Variants in DSCAM observed in about 807,000 individuals in gnomAD.
The protein encoded by DSCAM is DS cell adhesion molecule, also known as cell adhesion molecule DSCAM.
A neutral mutation model predicts 217.7 loss-of-function variants in DSCAM; 47 were observed. The ratio of observed to expected loss-of-function variants is 0.22; its 90% CI spans 0.17 to 0.28. The LOEUF (loss-of-function observed/expected upper bound fraction) is 0.28. Ranked by LOEUF, DSCAM falls within the 10% of genes least tolerant of loss-of-function variation. The pLI is 1.00. For missense variants in DSCAM, 2,080 were observed against 2,618.3 expected, an observed-to-expected ratio of 0.79 and a Z score of 4.49; for synonymous variants, 1,056 against 1,015.3, an observed-to-expected ratio of 1.04 and a Z score of -0.76.
intron 3 of DSCAM, among the ~76,000 whole-genome samples, chr21:40,399,297 A>C (rs900023747): frequency 7.1e-6 from 1 of 140,922 alleles, no homozygotes; most frequent in African/African-American, 2.6e-5. Flanking sequence ...AAAACAAAAC[A>C]AAACAAAACA....
chr21:40,162,088 T>C (rs191646389), intron 16 of DSCAM, among the ~76,000 whole-genome samples: 7 of 152,334 alleles, frequency 4.6e-5, no homozygotes, highest in Admixed American at 6.5e-5. Context: ...AGCATTATTA[T>C]GCACGAACTA....
chr21:40,295,212 T>C (rs2046877666), intron 10 of DSCAM, among the ~76,000 whole-genome samples: 1 of 152,180 alleles, frequency 6.6e-6, no homozygotes, highest in African/African-American at 2.4e-5. Flanking sequence ...ATTGACTGAT[T>C]ATTTGATCTC....
At chr21:40,579,973 G>C (rs2076890902) in intron 3 of DSCAM, among the ~76,000 whole-genome samples, 1 of 152,098 alleles carries the variant, frequency 6.6e-6, no homozygotes, top group African/African-American at 2.4e-5. Flanking sequence ...TCTCCTGATT[G>C]GCTAGGGTCC....
intron 3 of DSCAM, 84 bp downstream of exon 3, chr21:40,692,726 T>A: frequency 6.7e-7 from 1 of 1,491,926 alleles, no homozygotes. Context: ...GATGAACACA[T>A]AAACGGAGAC....
chr21:40,530,633 G>C (rs1419862135), intron 3 of DSCAM, among the ~76,000 whole-genome samples: 2 of 152,042 alleles, frequency 1.3e-5, no homozygotes, highest in African/African-American at 4.8e-5. Context: ...CATCTATAGA[G>C]ACAGTTTTCC....
chr21:40,354,798 G>A (rs1040378454), intron 4 of DSCAM, among the ~76,000 whole-genome samples: 15 of 144,074 alleles, frequency 1.0e-4, no homozygotes, highest in Non-Finnish European at 2.1e-4. Context: ...GCAGTGAGCC[G>A]AGATAGCGCC....
At chr21:40,300,420 G>A (rs2074002247) in intron 9 of DSCAM, among the ~76,000 whole-genome samples, 1 of 152,226 alleles carries the variant, frequency 6.6e-6, no homozygotes, top group Non-Finnish European at 1.5e-5. Context: ...CAGTCACAGT[G>A]AGTAGTCTGG....
chr21:40,368,052 T>G (rs1354595167), intron 4 of DSCAM, among the ~76,000 whole-genome samples: 1 of 152,182 alleles, frequency 6.6e-6, no homozygotes, highest in Non-Finnish European at 1.5e-5. Context: ...AAAGGTCACC[T>G]GAAACAGAAA....
chr21:40,033,304 G>C (rs2088565024), intron 32 of DSCAM, among the ~76,000 whole-genome samples: 1 of 152,088 alleles, frequency 6.6e-6, no homozygotes, highest in Non-Finnish European at 1.5e-5. Flanking sequence ...GTGGGCGCAG[G>C]TCAGTGGGTG....
intron 3 of DSCAM, among the ~76,000 whole-genome samples, chr21:40,382,555 G>A (rs2075037357): frequency 6.6e-6 from 1 of 152,188 alleles, no homozygotes; most frequent in East Asian, 1.9e-4. Context: ...ACGTGATGAT[G>A]TCAAAGGAAA....
chr21:40,757,169 GC>G (rs1485665913), intron 1 of DSCAM, among the ~76,000 whole-genome samples: 1 of 152,026 alleles, frequency 6.6e-6, no homozygotes, highest in Admixed American at 6.6e-5. Flanking sequence ...GACTACAGGT[GC>G]CCACCACCAA....
chr21:40,311,286 TTAATG>T (rs1414910894), intron 9 of DSCAM, among the ~76,000 whole-genome samples: 5 of 152,202 alleles, frequency 3.3e-5, no homozygotes, highest in Admixed American at 6.5e-5. Flanking sequence ...TAATGGTAGA[TTAATG>T]TATAGTACTC....
At chr21:40,670,066 C>T (rs1353243672) in intron 3 of DSCAM, among the ~76,000 whole-genome samples, 1 of 151,988 alleles carries the variant, frequency 6.6e-6, no homozygotes, top group East Asian at 1.9e-4. Context: ...CAATATAGTA[C>T]TAGTTCAAGT....
At chr21:40,807,942 G>C (rs2091802658) in intron 1 of DSCAM, among the ~76,000 whole-genome samples, 1 of 152,148 alleles carries the variant, frequency 6.6e-6, no homozygotes, top group African/African-American at 2.4e-5. Context: ...GTTGTCTATA[G>C]TAGAAACTGT....
At chr21:40,677,898 G>A (rs2090358771) in intron 3 of DSCAM, among the ~76,000 whole-genome samples, 1 of 152,152 alleles carries the variant, frequency 6.6e-6, no homozygotes, top group African/African-American at 2.4e-5. Context: ...AGAGCTCTGA[G>A]AAATAAATTT....
intron 3 of DSCAM, among the ~76,000 whole-genome samples, chr21:40,386,600 G>A (rs1266745522): frequency 6.6e-6 from 1 of 152,202 alleles, no homozygotes; most frequent in African/African-American, 2.4e-5. Flanking sequence ...GAAATAGTGA[G>A]TGCCCGTGGA....
chr21:40,460,255 T>TC (rs1476144685), intron 3 of DSCAM, among the ~76,000 whole-genome samples: 3 of 151,980 alleles, frequency 2.0e-5, no homozygotes, highest in Admixed American at 6.6e-5. Flanking sequence ...AACCTGCACA[T>TC]CCTGCACAGG....
At position 40,541,644 on chromosome 21, in the gene DSCAM, A is replaced by G. The variant is rs1281940970; in HGVS notation, c.508+151166T>C. Among the ~76,000 whole-genome samples the G allele has an allele frequency of 2.0e-5, 3 of 152,198 alleles. No individual in the cohort carries two copies. The East Asian group carries it at 5.8e-4, about 29-fold the overall frequency. On this transcript the variant is annotated intron_variant, in intron 3 of 32. Coordinates refer to ENST00000400454, the MANE Select transcript of DSCAM (RefSeq NM_001389.5). ...GTGGTCTATACACACACATAAATGC[A>G]TATAAGTGCGTAAGTATATATAAGA...
chr21:40,795,841 G>A (rs1489458539), intron 1 of DSCAM, among the ~76,000 whole-genome samples: 1 of 152,182 alleles, frequency 6.6e-6, no homozygotes, highest in African/African-American at 2.4e-5. Flanking sequence ...TGATCTGATT[G>A]TTTGGTATTT....
Sources: allele counts gnomAD v4.1 joint callset (sites outside exome capture counted in the v4.1 genomes callset), GRCh38; gene constraint gnomAD v4.1.1; transcripts MANE v1.5; gene names NCBI Gene and HGNC (gene_info 2026-07-23, HGNC 2026-07-21).